Variants in PLCL1 observed in about 807,000 individuals in gnomAD.
PLCL1 encodes phospholipase C like 1 (inactive).
In PLCL1, 41 loss-of-function variants were observed where a neutral mutation model predicts 84.4. The observed-to-expected ratio is 0.49, with a 90% CI of 0.38 to 0.63. The LOEUF (loss-of-function observed/expected upper bound fraction) is 0.63. Ranked by LOEUF, PLCL1 falls within the 30% of genes least tolerant of loss-of-function variation. PLCL1 has a pLI of 0.00. For synonymous variants in PLCL1, 490 were observed against 488.3 expected, an observed-to-expected ratio of 1.00 and a Z score of -0.05; for missense variants, 1,206 against 1,367.8, an observed-to-expected ratio of 0.88 and a Z score of 1.87.
At chr2:197,923,248 C>CG (rs1432759988) in intron 1 of PLCL1, among the ~76,000 whole-genome samples, 14 of 145,472 alleles carry the variant, frequency 9.6e-5, no homozygotes, top group Non-Finnish European at 2.1e-4. Flanking sequence ...GCTGGCCGGG[C>CG]GGGGGGCTGA....
At chr2:198,008,263 GT>G (rs1690778763) in intron 1 of PLCL1, among the ~76,000 whole-genome samples, 1 of 151,984 alleles carries the variant, frequency 6.6e-6, no homozygotes, top group African/African-American at 2.4e-5. Flanking sequence ...TAAGTGTAGG[GT>G]TCAGTAGTGT....
chr2:197,863,842 T>A (rs1687478551), intron 1 of PLCL1, among the ~76,000 whole-genome samples: 1 of 152,202 alleles, frequency 6.6e-6, no homozygotes, highest in African/African-American at 2.4e-5. Context: ...TAAGGAACAG[T>A]GTCAGAGGAC....
At chr2:197,818,928 G>A (rs1452549175) in intron 1 of PLCL1, among the ~76,000 whole-genome samples, 1 of 152,046 alleles carries the variant, frequency 6.6e-6, no homozygotes, top group East Asian at 1.9e-4. Flanking sequence ...ACAAAAGGCT[G>A]GGACAGGGGC....
intron 1 of PLCL1, among the ~76,000 whole-genome samples, chr2:197,918,387 G>A (rs190866964): frequency 6.6e-6 from 1 of 152,104 alleles, no homozygotes; most frequent in East Asian, 1.9e-4. Context: ...ACAGAAAGAG[G>A]GCGTTAGGCA....
chr2:198,021,615 C>A (rs892784642), intron 1 of PLCL1, among the ~76,000 whole-genome samples: 6 of 152,198 alleles, frequency 3.9e-5, no homozygotes, highest in Non-Finnish European at 1.5e-5. Flanking sequence ...ACTATAAACA[C>A]CTCTATGCAA....
chr2:197,923,950 G>C (rs889182104), intron 1 of PLCL1, among the ~76,000 whole-genome samples: 4 of 151,856 alleles, frequency 2.6e-5, no homozygotes, highest in Non-Finnish European at 2.9e-5. Context: ...GCGGTTAGGG[G>C]CTGGAGACCG....
At chr2:198,000,535 T>G (rs1335741261) in intron 1 of PLCL1, among the ~76,000 whole-genome samples, 3 of 152,190 alleles carry the variant, frequency 2.0e-5, no homozygotes, top group Non-Finnish European at 4.4e-5. Flanking sequence ...TTTTCAAAAG[T>G]GTTTTGCCAT....
chr2:197,877,888 G>A (rs1027906114), intron 1 of PLCL1, among the ~76,000 whole-genome samples: 1 of 152,098 alleles, frequency 6.6e-6, no homozygotes, highest in African/African-American at 2.4e-5. Flanking sequence ...GTGTGCAAAT[G>A]TAGTAAATCA....
At chr2:198,006,685 G>A (rs984594128) in intron 1 of PLCL1, among the ~76,000 whole-genome samples, 3 of 152,154 alleles carry the variant, frequency 2.0e-5, no homozygotes, top group Admixed American at 6.5e-5. Context: ...CTGATATATA[G>A]CCAAGATTCT....
At chr2:197,843,079 T>TG (rs1261499321) in intron 1 of PLCL1, among the ~76,000 whole-genome samples, 1 of 152,214 alleles carries the variant, frequency 6.6e-6, no homozygotes, top group Non-Finnish European at 1.5e-5. Flanking sequence ...TATTCATCTG[T>TG]GTGTTTTATC....
rs1574347993 is a variant in PLCL1 at position 198,149,627 on chromosome 2, T to C, written c.*2665T>C. On this transcript the variant is annotated 3_prime_UTR_variant, in exon 6 of 6. Transcript: ENST00000428675. ...TTTTCTGAATATAAAATATTAATGG[T>C]CAATATAAAAATACAAAAATAGAGA... is the stretch of plus-strand genomic sequence containing the variant. 6.6e-6 allele frequency: 1 copy of C among 152,228 alleles called. No individual in the cohort carries two copies. Among genetic ancestry groups the C allele is most frequent in the East Asian group, 1.9e-4 (1 of 5,186 alleles). 9.4% of individuals were successfully genotyped at this position (152,228 alleles called of 1,614,324 possible).
chr2:197,880,636 C>G (rs1251616969), intron 1 of PLCL1, among the ~76,000 whole-genome samples: 1 of 152,150 alleles, frequency 6.6e-6, no homozygotes, highest in East Asian at 1.9e-4. Flanking sequence ...AGGATTTTAT[C>G]TAGCACATCT....
At chr2:198,086,744 G>A (rs1692894658) in intron 2 of PLCL1, among the ~76,000 whole-genome samples, 1 of 152,160 alleles carries the variant, frequency 6.6e-6, no homozygotes, top group Non-Finnish European at 1.5e-5. Context: ...AGTTTGGACT[G>A]AACTAAGATG....
chr2:198,138,790 C>T (rs185087633), intron 5 of PLCL1, among the ~76,000 whole-genome samples: 63 of 152,226 alleles, frequency 4.1e-4, no homozygotes, highest in Non-Finnish European at 6.5e-4. Flanking sequence ...GGTGGGCATC[C>T]GCCTGGGCCC....
chr2:198,141,582 G>A (rs73063056), intron 5 of PLCL1, among the ~76,000 whole-genome samples: 2,380 of 152,152 alleles, frequency 0.016, 22 homozygotes, highest in African/African-American at 0.019. Context: ...CCTCTTCAGA[G>A]CAAAGGATTA....
chr2:197,918,971 T>TCACACA (rs1553502312), intron 1 of PLCL1, among the ~76,000 whole-genome samples: 23,524 of 144,512 alleles, frequency 0.16, 2,121 homozygotes, highest in East Asian at 0.24. Context: ...TCTCTCTCCC[T>TCACACA]CACACACACA....
intron 1 of PLCL1, among the ~76,000 whole-genome samples, chr2:198,024,848 A>T (rs1235364802): frequency 6.6e-6 from 1 of 151,982 alleles, no homozygotes; most frequent in African/African-American, 2.4e-5. Flanking sequence ...CTGATGAATT[A>T]ATTTCCCTAA....
At chr2:198,077,049 C>T (rs957325701) in intron 1 of PLCL1, among the ~76,000 whole-genome samples, 2 of 152,142 alleles carry the variant, frequency 1.3e-5, no homozygotes, top group Non-Finnish European at 2.9e-5. Context: ...TGAGGATAGC[C>T]CTCTCCTGGA....
At chr2:197,808,429 A>G (rs889932537) in intron 1 of PLCL1, among the ~76,000 whole-genome samples, 1 of 152,204 alleles carries the variant, frequency 6.6e-6, no homozygotes, top group Non-Finnish European at 1.5e-5. Flanking sequence ...AGCATTTAAA[A>G]TATTTAACAT....
Sources: allele counts gnomAD v4.1 joint callset (sites outside exome capture counted in the v4.1 genomes callset), GRCh38; gene constraint gnomAD v4.1.1; transcripts MANE v1.5; gene names NCBI Gene and HGNC (gene_info 2026-07-23, HGNC 2026-07-21).